Variants in ATP13A3 observed in about 807,000 individuals in gnomAD.
The protein encoded by ATP13A3 is ATPase 13A3.
In ATP13A3, 59 loss-of-function variants were observed where a neutral mutation model predicts 158.1. That is an observed-to-expected ratio of 0.37 (90% CI 0.30 to 0.46). The LOEUF (loss-of-function observed/expected upper bound fraction) is 0.46. Among genes scored for constraint, ATP13A3 ranks in the 20% least tolerant of loss-of-function variants. The pLI is 1.00. For missense variants in ATP13A3, 1,166 were observed against 1,525.2 expected (o/e 0.76, Z 3.92); for synonymous variants, 491 against 504.3 (o/e 0.97, Z 0.35).
At chr3:194,417,205 G>A (rs971013948) in intron 31 of ATP13A3, among the ~76,000 whole-genome samples, 5 of 152,072 alleles carry the variant, frequency 3.3e-5, no homozygotes, top group Non-Finnish European at 5.9e-5. Flanking sequence ...GAGCTCACCC[G>A]AGGTCAAGAG....
At chr3:194,445,687 A>T (rs1718352994) in intron 14 of ATP13A3, among the ~76,000 whole-genome samples, 1 of 152,176 alleles carries the variant, frequency 6.6e-6, no homozygotes, top group Non-Finnish European at 1.5e-5. Context: ...TATGTGACAT[A>T]TTTTTTTCTA....
chr3:194,450,287 A>T lies in ATP13A3; in HGVS notation c.839-11T>A. 6.2e-7 allele frequency: 1 copy of T among 1,605,478 alleles called. No homozygotes were observed. Among genetic ancestry groups the T allele is most frequent in the South Asian group, 1.1e-5 (1 of 90,420 alleles). Reference sequence around the variant, plus strand: ...AGATTTCTTCTATTTCTGAAATTAAAGAAAGAAAGAAAAATCTGAAAAAGA... The same window carrying T: ...AGATTTCTTCTATTTCTGAAATTAATGAAAGAAAGAAAAATCTGAAAAAGA... On this transcript the variant is annotated splice_polypyrimidine_tract_variant and intron_variant, in intron 10 of 33. Coordinates refer to ENST00000645319, the MANE Select transcript of ATP13A3 (RefSeq NM_001367549.1).
chr3:194,472,006 C>A (rs1484498503), intron 2 of ATP13A3: 1 of 152,616 alleles, frequency 6.6e-6, no homozygotes, highest in Non-Finnish European at 1.5e-5. Context: ...GCCCCCTGAC[C>A]AGAAGAGGCT....
rs112947026 is a variant in ATP13A3, at chr3:194,448,330, G to C, written c.1150+127C>G. 2.7e-6 allele frequency: 3 copies of C among 1,108,712 alleles called. No individual in the cohort carries two copies. In the African/African-American group the frequency reaches 4.8e-5, roughly 18 times the overall value. 68.7% of individuals were successfully genotyped at this position (1,108,712 alleles called of 1,614,324 possible). On this transcript the variant is annotated intron_variant, in intron 12 of 33. Coordinates refer to ENST00000645319, the MANE Select transcript of ATP13A3 (RefSeq NM_001367549.1). The surrounding 1 kb of genome is among the most constrained non-coding windows in gnomAD (Gnocchi z 4.0). ...CCTGACCTCATGATCCGCCCACCTCGGCTTCCCAAAGTGCTGGGATTACAG... is the reference window on the plus strand; with the variant it reads ...CCTGACCTCATGATCCGCCCACCTCCGCTTCCCAAAGTGCTGGGATTACAG...
intron 2 of ATP13A3, among the ~76,000 whole-genome samples, chr3:194,475,642 A>G (rs1278171655): frequency 6.6e-6 from 1 of 152,174 alleles, no homozygotes; most frequent in African/African-American, 2.4e-5. Flanking sequence ...TCACAGCACA[A>G]CCATCATAAA....
At chr3:194,477,704 G>C (rs999343021) in intron 2 of ATP13A3, among the ~76,000 whole-genome samples, 1 of 152,210 alleles carries the variant, frequency 6.6e-6, no homozygotes, top group African/African-American at 2.4e-5. Context: ...AGAGGATATG[G>C]GGAGTGGACA....
At chr3:194,482,436 T>C (rs1384635767) in intron 2 of ATP13A3, among the ~76,000 whole-genome samples, 2 of 152,220 alleles carry the variant, frequency 1.3e-5, no homozygotes, top group Non-Finnish European at 2.9e-5. Context: ...TCACTAGTTA[T>C]CTAGTGATAA....
Position 194,429,690 on chromosome 3 carries a change from A to G in ATP13A3, c.2862T>C (p.Thr954=), listed in dbSNP as rs759315254. The change falls in exon 27 of 34, where the codon ACT becomes ACC. Residue 954 remains threonine (T), a synonymous_variant. Transcript: ENST00000645319. ...LYSIIQYFSV[T]LLYSILSNLG... is the part of the protein sequence containing the mutation. ...TGTTAATACTCACAGAATACAGCAG[A>G]GTAACACTGAAGTACTGGATAATGC... 1 of 1,608,684 alleles carries G rather than the reference A, an allele frequency of 6.2e-7. No homozygotes were observed. Among genetic ancestry groups the G allele is most frequent in the African/African-American group, 1.3e-5 (1 of 74,824 alleles).
chr3:194,430,851 A>C (rs1717167958), intron 24 of ATP13A3, 92 bp downstream of exon 24: 2 of 871,384 alleles, frequency 2.3e-6, no homozygotes, highest in Non-Finnish European at 3.3e-6. Context: ...ATGAAATATT[A>C]GTATAAGAAA....
At chr3:194,464,526 G>A (rs1390253280) in intron 2 of ATP13A3, among the ~76,000 whole-genome samples, 1 of 152,174 alleles carries the variant, frequency 6.6e-6, no homozygotes, top group Non-Finnish European at 1.5e-5. Flanking sequence ...TGCTACTATA[G>A]ACTATGGTGA....
intron 2 of ATP13A3, among the ~76,000 whole-genome samples, chr3:194,462,789 A>G (rs1382409413): frequency 6.6e-6 from 1 of 152,218 alleles, no homozygotes; most frequent in Non-Finnish European, 1.5e-5. Flanking sequence ...GGTTCTAATG[A>G]CATTTTCAAT....
chr3:194,459,665 T>C lies in ATP13A3; in HGVS notation c.408+124A>G, dbSNP rs535094961. On this transcript the variant is annotated intron_variant, in intron 5 of 33. Coordinates refer to ENST00000645319, the MANE Select transcript of ATP13A3 (RefSeq NM_001367549.1). Reference sequence around the variant, plus strand: ...GCATTATATATAGTAATATGTAATATTTTATATGCAGGTAAATTTATCTCA... The same window carrying C: ...GCATTATATATAGTAATATGTAATACTTTATATGCAGGTAAATTTATCTCA... 2.1e-5 allele frequency: 24 copies of C among 1,148,828 alleles called. No individual in the cohort carries two copies. In the East Asian group the frequency reaches 5.9e-4, roughly 28 times the overall value. 71.2% of individuals were successfully genotyped at this position (1,148,828 alleles called of 1,614,324 possible).
At chr3:194,439,388 G>A (rs955050691) in intron 16 of ATP13A3, among the ~76,000 whole-genome samples, 1 of 152,222 alleles carries the variant, frequency 6.6e-6, no homozygotes, top group African/African-American at 2.4e-5. Context: ...ATAGAGCTCA[G>A]ATATGGTTAG....
intron 16 of ATP13A3, among the ~76,000 whole-genome samples, chr3:194,440,061 TAGGG>T (rs912416782): frequency 1.3e-5 from 2 of 151,596 alleles, no homozygotes; most frequent in Non-Finnish European, 2.9e-5. Context: ...AAAATGTGGG[TAGGG>T]AGGGAGGGAG....
At chr3:194,425,750 A>G (rs1175413041) in intron 29 of ATP13A3, among the ~76,000 whole-genome samples, 2 of 152,224 alleles carry the variant, frequency 1.3e-5, no homozygotes, top group Non-Finnish European at 2.9e-5. Context: ...AAAAAATTAG[A>G]ATCAAGTAGG....
At chr3:194,409,554 G>A (rs1458923561) in intron 33 of ATP13A3, among the ~76,000 whole-genome samples, 2 of 152,132 alleles carry the variant, frequency 1.3e-5, no homozygotes, top group Non-Finnish European at 2.9e-5. Context: ...ATACGACACA[G>A]ATCTCCTGAA....
Position 194,438,912 on chromosome 3 carries a change from C to T in ATP13A3, c.1771G>A (p.Val591Ile). The T allele has an allele frequency of 6.2e-7, 1 of 1,610,994 alleles. No homozygotes were observed. Among genetic ancestry groups the T allele is most frequent in the Non-Finnish European group, 8.5e-7 (1 of 1,178,474 alleles). ...ALHNRIMPTVVRPPKQLLPES... is the reference protein window; with the variant it reads ...ALHNRIMPTVIRPPKQLLPES... ...GGAAGCAGTTGTTTGGGAGGACGAA[C>T]CACTGTGGGCATAATTCGATTATGA... Residue 591 changes from valine (V) to isoleucine (I), a missense_variant, in exon 17 of 34, where the codon GTT becomes ATT. By Grantham distance (29) the Val-to-Ile change is conservative. Coordinates refer to ENST00000645319, the MANE Select transcript of ATP13A3 (RefSeq NM_001367549.1).
chr3:194,442,003 A>G (rs1419052635), intron 15 of ATP13A3, among the ~76,000 whole-genome samples: 1 of 152,200 alleles, frequency 6.6e-6, no homozygotes, highest in Non-Finnish European at 1.5e-5. Context: ...TTATCCTCAC[A>G]CCATAGAAAA....
chr3:194,455,900 A>C lies in ATP13A3; in HGVS notation c.623T>G (p.Ile208Ser). Residue 208 changes from isoleucine (I) to serine (S), a missense_variant, in exon 8 of 34, where the codon ATT (isoleucine) becomes AGT (serine). Around this residue, in one of 3 missense-constraint regions of ATP13A3, gnomAD observed 997 missense variants for 1,341.2 expected, o/e 0.74. Transcript: ENST00000645319. ...VKVPSVFKLLIKEVLNPFYIF... is the reference protein window; with the variant it reads ...VKVPSVFKLLSKEVLNPFYIF... ...TACAATCAATAGTCTTACCTCTTTA[A>C]TTAGAAGCTTAAAAACAGAAGGCAC... 6.5e-7 allele frequency: 1 copy of C among 1,534,484 alleles called. No homozygotes were observed. The highest frequency in any genetic ancestry group is 2.3e-5 in the East Asian group (1 of 42,710).
Sources: allele counts gnomAD v4.1 joint callset (sites outside exome capture counted in the v4.1 genomes callset), GRCh38; gene constraint gnomAD v4.1.1; regional missense constraint gnomAD v4.1.1; non-coding constraint Gnocchi (gnomAD v3.1); transcripts MANE v1.5; gene names NCBI Gene and HGNC (gene_info 2026-07-23, HGNC 2026-07-21).